LDLRAP1: variants seen among roughly 807,000 people sequenced by gnomAD.
The protein encoded by LDLRAP1 is low density lipoprotein receptor adapter protein 1.
LDLRAP1 carries 30 observed loss-of-function variants against 37.8 expected under a neutral mutation model. The ratio of observed to expected loss-of-function variants is 0.79; its 90% CI spans 0.59 to 1.08. LDLRAP1 has a LOEUF of 1.08. Among genes scored for constraint, LDLRAP1 ranks in the 50% least tolerant of loss-of-function variants. LDLRAP1 has a pLI of 0.00. For synonymous variants in LDLRAP1, 156 were observed against 169.8 expected (o/e 0.92, Z 0.63); for missense variants, 375 against 401.6 (o/e 0.93, Z 0.57).
Position 25,563,809 on chromosome 1 carries a change from C to T in LDLRAP1, c.747+18C>T, listed in dbSNP as rs1334619518. ...TTGTCTGGGTGAGTGGTTGTGTGGC[C>T]AGCAGATCGGTGATCCTCAGCCTGA... On this transcript the variant is annotated intron_variant, in intron 7 of 8. Coordinates refer to ENST00000374338, the MANE Select transcript of LDLRAP1 (RefSeq NM_015627.3). 6.2e-7 allele frequency: 1 copy of T among 1,613,166 alleles called. No homozygotes were observed. The highest frequency in any genetic ancestry group is 8.5e-7 in the Non-Finnish European group (1 of 1,180,012).
chr1:25,582,996 C>T, the LDLRAP1 span, among the ~76,000 whole-genome samples: 11 of 149,992 alleles, frequency 7.3e-5, no homozygotes, highest in East Asian at 4.1e-4. Flanking sequence ...CACTTGAACC[C>T]GGGAGGCAGA....
chr1:25,566,571 C>T (rs923518408), intron 8 of LDLRAP1, among the ~76,000 whole-genome samples: 6 of 145,804 alleles, frequency 4.1e-5, no homozygotes. Context: ...AGCCCCTTCT[C>T]CTCTTTCCTG....
chr1:25,546,777 G>T (rs2043943991), intron 1 of LDLRAP1, among the ~76,000 whole-genome samples: 2 of 152,152 alleles, frequency 1.3e-5, no homozygotes, highest in Non-Finnish European at 2.9e-5. Flanking sequence ...AAAGGATATT[G>T]CAAATGAATG....
At chr1:25,577,950 A>C in the LDLRAP1 span, among the ~76,000 whole-genome samples, 1 of 152,192 alleles carries the variant, frequency 6.6e-6, no homozygotes, top group Non-Finnish European at 1.5e-5. Flanking sequence ...GGAGGTCTCC[A>C]GCAGGTCATC....
intron 4 of LDLRAP1, among the ~76,000 whole-genome samples, chr1:25,559,263 A>G (rs1310668280): frequency 1.3e-5 from 2 of 152,064 alleles, no homozygotes; most frequent in Non-Finnish European, 2.9e-5. Context: ...CTGGGCAGGG[A>G]CAGCTGGCCC....
intron 8 of LDLRAP1, among the ~76,000 whole-genome samples, chr1:25,565,447 C>T (rs952020059): frequency 2.6e-5 from 4 of 152,304 alleles, no homozygotes; most frequent in Admixed American, 2.6e-4. Flanking sequence ...AAAAACTATT[C>T]CTGGTGGCTG....
At chr1:25,579,925 C>T in the LDLRAP1 span, among the ~76,000 whole-genome samples, 1 of 152,288 alleles carries the variant, frequency 6.6e-6, no homozygotes, top group African/African-American at 2.4e-5. Context: ...TCGAAACCCA[C>T]CCCCTCCAAC....
At chr1:25,585,493 C>T in the LDLRAP1 span, among the ~76,000 whole-genome samples, 70 of 152,078 alleles carry the variant, frequency 4.6e-4, no homozygotes, top group Middle Eastern at 3.4e-3. Flanking sequence ...GCCTGGCTAA[C>T]TTTTTGTATT....
At chr1:25,565,149 A>G (rs1557710929) in intron 7 of LDLRAP1, 24 bp from the exon 8 acceptor site, 3 of 1,613,726 alleles carry the variant, frequency 1.9e-6, no homozygotes, top group Non-Finnish European at 2.5e-6. Context: ...CATAGTTCTT[A>G]TCTCCTGCTT....
chr1:25,572,211 G>A (rs1057106973), downstream of LDLRAP1, among the ~76,000 whole-genome samples: 2 of 152,206 alleles, frequency 1.3e-5, no homozygotes, highest in African/African-American at 4.8e-5. Flanking sequence ...GGCACAGAGT[G>A]GCCATCAGTG....
chr1:25,552,000 C>G (rs531626782), intron 1 of LDLRAP1, among the ~76,000 whole-genome samples: 2 of 152,252 alleles, frequency 1.3e-5, no homozygotes, highest in South Asian at 4.2e-4. Context: ...CCCTGACACC[C>G]GCACCCTCTT....
At chr1:25,578,788 G>A in the LDLRAP1 span, among the ~76,000 whole-genome samples, 24 of 152,282 alleles carry the variant, frequency 1.6e-4, no homozygotes, top group South Asian at 2.1e-4. Context: ...AAAGTGCTGG[G>A]ATTACAGGTG....
rs567147152 is a variant in LDLRAP1 at position 25,550,691 on chromosome 1, A to G, written c.89-3231A>G. 3.9e-5 allele frequency among the ~76,000 whole-genome samples: 6 copies of G among 152,246 alleles called. No individual in the cohort carries two copies. The South Asian group carries it at 1.2e-3, about 32-fold the overall frequency. ...CCTCTGACTTGCCATGTTACCTTGC[A>G]CAGGTCCCATCCCTGTCTGGGCTTC... On this transcript the variant is annotated intron_variant, in intron 1 of 8. Transcript: ENST00000374338.
chr1:25,589,181 G>A, the LDLRAP1 span, among the ~76,000 whole-genome samples: 48 of 152,252 alleles, frequency 3.2e-4, no homozygotes, highest in African/African-American at 1.1e-3. Context: ...GCGCACATCT[G>A]TAGTTTCAGC....
Position 25,563,718 on chromosome 1 carries a change from CG to C in LDLRAP1, c.676del (p.Val226SerfsTer17). 6.2e-7 allele frequency: 1 copy of C among 1,613,898 alleles called. No homozygotes were observed. Among genetic ancestry groups the C allele is most frequent in the Non-Finnish European group, 8.5e-7 (1 of 1,179,982 alleles). On this transcript the variant is annotated frameshift_variant, in exon 7 of 9. Transcript: ENST00000374338. LOFTEE classifies it high-confidence loss of function. ...GAGACAGCTAAGGCCCCGCTGTCCA[CG>C]GTCAGCGCCAACACCACCAACATGG... The part of the protein sequence containing the change: ...LEETAKAPLS[T>X]VSANTTNMDE...
In LDLRAP1 at chr1:25,566,932, T is replaced by C; in HGVS notation, c.867T>C (p.Pro289=). 1 of 1,613,642 alleles carries C rather than the reference T, an allele frequency of 6.2e-7. No homozygotes were observed. Among genetic ancestry groups the C allele is most frequent in the Non-Finnish European group, 8.5e-7 (1 of 1,180,030 alleles). Residue 289 remains proline, a synonymous_variant, in exon 9 of 9, where the codon CCT becomes CCC. Transcript: ENST00000374338. ...TGCATTACGCCCAGTGCCTCTCGCCTGTCGACTGGGACAAGCCTGACAGCA... is the reference window on the plus strand; with the variant it reads ...TGCATTACGCCCAGTGCCTCTCGCCCGTCGACTGGGACAAGCCTGACAGCA... ...QDMHYAQCLS[P]VDWDKPDSSG... is the part of the protein sequence containing the mutation.
chr1:25,557,639 G>T (rs1439130926), intron 4 of LDLRAP1, among the ~76,000 whole-genome samples: 1 of 152,292 alleles, frequency 6.6e-6, no homozygotes, highest in Non-Finnish European at 1.5e-5. Flanking sequence ...GATCAGGGGG[G>T]CCTAGGGTGG....
intron 1 of LDLRAP1, among the ~76,000 whole-genome samples, chr1:25,547,374 T>G (rs1370925946): frequency 6.6e-6 from 1 of 151,828 alleles, no homozygotes; most frequent in East Asian, 1.9e-4. Flanking sequence ...TCCCAGCTAC[T>G]TGGGAGGCTG....
At chr1:25,549,990 C>T (rs1047196136) in intron 1 of LDLRAP1, 7 of 152,356 alleles carry the variant, frequency 4.6e-5, no homozygotes, top group Non-Finnish European at 8.8e-5. Context: ...ATTGGGCAGG[C>T]GCACGCTTCC....
Sources: allele counts gnomAD v4.1 joint callset (sites outside exome capture counted in the v4.1 genomes callset), GRCh38; gene constraint gnomAD v4.1.1; transcripts MANE v1.5; gene names NCBI Gene and HGNC (gene_info 2026-07-23, HGNC 2026-07-21).